Variants in RYR3 observed in about 807,000 individuals in gnomAD.
RYR3 encodes brain ryanodine receptor-calcium release channel.
In RYR3, 207 loss-of-function variants were observed where a neutral mutation model predicts 584.3. The observed-to-expected ratio is 0.35, with a 90% CI of 0.32 to 0.40. The LOEUF (loss-of-function observed/expected upper bound fraction) is 0.40, where lower values mean the gene tolerates loss of function less well. Ranked by LOEUF, RYR3 falls within the 10% of genes least tolerant of loss-of-function variation. RYR3 has a pLI of 1.00. For synonymous variants in RYR3, 2,416 were observed against 2,248.5 expected, an observed-to-expected ratio of 1.07 and a Z score of -2.11; for missense variants, 5,616 against 6,089.2, an observed-to-expected ratio of 0.92 and a Z score of 2.59.
intron 50 of RYR3, among the ~76,000 whole-genome samples, chr15:33,739,586 T>G (rs1322197234): frequency 6.6e-6 from 1 of 151,984 alleles, no homozygotes; most frequent in Non-Finnish European, 1.5e-5. Context: ...AGATATTGAT[T>G]TAAGCCTGTT....
chr15:33,378,541 G>C (rs954491782), intron 1 of RYR3, among the ~76,000 whole-genome samples: 3 of 152,222 alleles, frequency 2.0e-5, no homozygotes, highest in Non-Finnish European at 2.9e-5. Context: ...CGAAACCCAA[G>C]TTGTTTAAAT....
chr15:33,672,025 G>A (rs1385502233), intron 38 of RYR3, among the ~76,000 whole-genome samples: 1 of 151,904 alleles, frequency 6.6e-6, no homozygotes, highest in East Asian at 1.9e-4. Flanking sequence ...TGTTGGCCAG[G>A]TTGGTCTCGA....
At chr15:33,572,473 C>G (rs534924385) in intron 12 of RYR3, among the ~76,000 whole-genome samples, 59 of 151,528 alleles carry the variant, frequency 3.9e-4, no homozygotes, top group South Asian at 1.7e-3. Flanking sequence ...GAATAGATAG[C>G]TAGGGTCCTC....
intron 1 of RYR3, among the ~76,000 whole-genome samples, chr15:33,459,813 AG>A (rs898963433): frequency 6.6e-6 from 1 of 152,190 alleles, no homozygotes; most frequent in Non-Finnish European, 1.5e-5. Flanking sequence ...AAACAGTTCT[AG>A]GGAGGGGAAA....
At chr15:33,414,490 GA>G (rs1394553378) in intron 1 of RYR3, among the ~76,000 whole-genome samples, 1 of 152,210 alleles carries the variant, frequency 6.6e-6, no homozygotes, top group African/African-American at 2.4e-5. Context: ...CCCAGACCAA[GA>G]AAGACAGCTT....
In RYR3 at chr15:33,810,612, A is replaced by G. The variant is rs756431186; in HGVS notation, c.10160A>G (p.Gln3387Arg). 2 of 1,614,066 alleles carry G rather than the reference A, an allele frequency of 1.2e-6. No individual in the cohort carries two copies. Among genetic ancestry groups the G allele is most frequent in the Admixed American group, 3.3e-5 (2 of 60,030 alleles). ...TTGAATATGTGTACTCCAGGCGACC[A>G]GGAGCTGATCTCCCTCGCAAAATCG... is the stretch of plus-strand genomic sequence containing the variant. ...IGLNMCTPGD[Q>R]ELISLAKSRY... is the part of the protein sequence containing the mutation. Residue 3387 changes from glutamine (Q) to arginine (R), a missense_variant, in exon 71 of 104, where the codon CAG becomes CGG. Gln to Arg is a conservative substitution (Grantham distance 43, BLOSUM62 1). Coordinates refer to ENST00000634891, the MANE Select transcript of RYR3 (RefSeq NM_001036.6).
chr15:33,365,859 A>G (rs1187530571), intron 1 of RYR3, among the ~76,000 whole-genome samples: 5 of 152,162 alleles, frequency 3.3e-5, no homozygotes. Flanking sequence ...AGCCTTTTAC[A>G]TATCAGTCAT....
chr15:33,626,394 G>A (rs2060988757), intron 20 of RYR3, among the ~76,000 whole-genome samples: 1 of 152,168 alleles, frequency 6.6e-6, no homozygotes, highest in Non-Finnish European at 1.5e-5. Flanking sequence ...GTATCTGGGG[G>A]AAGAAATTTC....
At chr15:33,663,067 G>A in intron 35 of RYR3, 119 bp downstream of exon 35, 1 of 609,442 alleles carries the variant, frequency 1.6e-6, no homozygotes, top group Non-Finnish European at 2.8e-6. Context: ...CATAGTGACT[G>A]ACCAAGAGTG....
At chr15:33,466,702 G>T (rs1447273519) in intron 1 of RYR3, among the ~76,000 whole-genome samples, 1 of 152,150 alleles carries the variant, frequency 6.6e-6, no homozygotes, top group African/African-American at 2.4e-5. Flanking sequence ...AGCAAACAGG[G>T]TATCATAGAT....
intron 1 of RYR3, among the ~76,000 whole-genome samples, chr15:33,335,634 C>T (rs1838640716): frequency 6.6e-6 from 1 of 151,926 alleles, no homozygotes; most frequent in South Asian, 2.1e-4. Context: ...AGCAAACCCC[C>T]ATGACACATG....
chr15:33,821,478 A>G, intron 79 of RYR3, 45 bp from the exon 80 acceptor site: 2 of 1,608,914 alleles, frequency 1.2e-6, no homozygotes, highest in Non-Finnish European at 8.5e-7. Flanking sequence ...GGCATGATTT[A>G]CCATCTGTTT....
chr15:33,461,239 C>A (rs571399070), intron 1 of RYR3, among the ~76,000 whole-genome samples: 1 of 152,096 alleles, frequency 6.6e-6, no homozygotes, highest in Non-Finnish European at 1.5e-5. Context: ...CCACCGCGCC[C>A]GGCCTACTAA....
At chr15:33,821,249 T>C (rs1423977837) in intron 78 of RYR3, 21 bp from the exon 79 acceptor site, 2 of 1,494,604 alleles carry the variant, frequency 1.3e-6, no homozygotes, top group Non-Finnish European at 1.8e-6. Flanking sequence ...AATCTTTCCC[T>C]GTGATTTTTT....
At chr15:33,783,372 G>C (rs981258162) in intron 65 of RYR3, among the ~76,000 whole-genome samples, 2 of 152,226 alleles carry the variant, frequency 1.3e-5, no homozygotes, top group African/African-American at 2.4e-5. Context: ...AGAGGACACA[G>C]CTGAGGCTGT....
intron 86 of RYR3, among the ~76,000 whole-genome samples, chr15:33,834,292 A>G (rs1374166974): frequency 7.2e-6 from 1 of 139,624 alleles, no homozygotes; most frequent in African/African-American, 2.7e-5. Context: ...TTAAACACAC[A>G]CACACACACA....
chr15:33,658,008 A>G (rs972237253), intron 32 of RYR3, among the ~76,000 whole-genome samples: 1 of 152,380 alleles, frequency 6.6e-6, no homozygotes, highest in East Asian at 1.9e-4. Flanking sequence ...AATTGCTTTG[A>G]CAAAAAGAAA....
At chr15:33,512,788 A>G (rs950651842) in intron 3 of RYR3, among the ~76,000 whole-genome samples, 15 of 152,196 alleles carry the variant, frequency 9.9e-5, no homozygotes, top group Admixed American at 4.6e-4. Flanking sequence ...GGTTGTTTCT[A>G]TATTTTAATT....
chr15:33,862,748 C>G (rs981910653), intron 102 of RYR3, among the ~76,000 whole-genome samples: 1 of 152,008 alleles, frequency 6.6e-6, no homozygotes, highest in African/African-American at 2.4e-5. Flanking sequence ...GTAGCTGGGA[C>G]TACAGGCACC....
Sources: gnomAD v4.1 joint callset for allele counts (sites outside exome capture counted in the v4.1 genomes callset) on GRCh38, gnomAD v4.1.1 for gene constraint, MANE v1.5 for transcripts, NCBI Gene and HGNC (gene_info 2026-07-23, HGNC 2026-07-21) for gene names.